Variants in LAMA4 observed in about 807,000 individuals in gnomAD.
The protein encoded by LAMA4 is laminin subunit alpha 4.
Under a neutral mutation model 207.1 loss-of-function variants are expected in LAMA4, and 127 were observed. The observed-to-expected ratio is 0.61, with a 90% CI of 0.53 to 0.71. The LOEUF (loss-of-function observed/expected upper bound fraction) is 0.71, where lower values mean the gene tolerates loss of function less well. Ranked by LOEUF, LAMA4 falls within the 30% of genes least tolerant of loss-of-function variation. LAMA4 has a pLI of 0.00. For synonymous variants in LAMA4, 761 were observed against 816.0 expected, an observed-to-expected ratio of 0.93 and a Z score of 1.15; for missense variants, 2,093 against 2,246.5, an observed-to-expected ratio of 0.93 and a Z score of 1.38.
intron 31 of LAMA4, among the ~76,000 whole-genome samples, chr6:112,126,219 A>C (rs893242417): frequency 1.3e-5 from 2 of 152,184 alleles, no homozygotes; most frequent in African/African-American, 4.8e-5. Flanking sequence ...GTTTATTTAA[A>C]GGGGTAACTG....
Position 112,115,550 on chromosome 6 carries a change from TTTGA to T in LAMA4, c.5112+309_5112+312del, listed in dbSNP as rs143611178. ...GAAAGATGTTTTAGTGTTTGTTGATTTTGATAGTTATGTTTGCTGATTCCATTTG... is the reference window on the plus strand; with the variant it reads ...GAAAGATGTTTTAGTGTTTGTTGATTTAGTTATGTTTGCTGATTCCATTTG... On this transcript the variant is annotated intron_variant, in intron 36 of 38. Transcript: ENST00000230538. 1.6e-3 allele frequency among the ~76,000 whole-genome samples: 240 copies of T among 152,286 alleles called. 5 individuals carry two copies. In the East Asian group the frequency reaches 0.038, roughly 24 times the overall value.
rs70940811 is a variant in LAMA4 at position 112,130,993 on chromosome 6, C to T, written c.3943G>A (p.Val1315Ile). The change falls in exon 29 of 39, where the codon GTC (valine) becomes ATC (isoleucine). Residue 1315 changes from valine (V) to isoleucine (I), a missense_variant. Val to Ile is a conservative substitution (Grantham distance 29, BLOSUM62 3). Coordinates refer to ENST00000230538, the MANE Select transcript of LAMA4 (RefSeq NM_001105206.3). ...CTTGTGGGTGAGACAGAGCTAATGA[C>T]GAAGTGGGACAGCCCATCATTGTAC... ...KQYNDGLSHF[V>I]ISSVSPTRYE... The T allele has an allele frequency of 4.1e-4, 663 of 1,613,042 alleles. 5 individuals carry two copies. In the East Asian group the frequency reaches 0.01, roughly 25 times the overall value.
At chr6:112,132,267 G>C (rs1554329989) in intron 28 of LAMA4, among the ~76,000 whole-genome samples, 5 of 151,962 alleles carry the variant, frequency 3.3e-5, no homozygotes, top group Admixed American at 1.3e-4. Context: ...TTTTATTAAG[G>C]CATTAAAGAA....
intron 12 of LAMA4, among the ~76,000 whole-genome samples, chr6:112,170,360 T>C (rs1274240232): frequency 6.6e-6 from 1 of 152,204 alleles, no homozygotes; most frequent in East Asian, 1.9e-4. Context: ...TTTCAGGGCT[T>C]GCAGTACGGA....
In LAMA4 at chr6:112,134,557, C is replaced by T. The variant is rs782725292; in HGVS notation, c.3467G>A (p.Arg1156Lys). The T allele has an allele frequency of 1.2e-6, 2 of 1,609,738 alleles. No homozygotes were observed. The highest frequency in any genetic ancestry group is 2.7e-5 in the African/African-American group (2 of 74,880). ...TTCATTATCCATGCTCTTGACATGC[C>T]TTCTGTCAACTACCAAGATCATTTT... ...DKKMILVVDR[R>K]HVKSMDNEKM... Residue 1156 changes from arginine (R) to lysine (K), a missense_variant, in exon 26 of 39, where the codon AGG (arginine) becomes AAG (lysine). By Grantham distance (26) the Arg-to-Lys change is conservative (BLOSUM62 2). Transcript: ENST00000230538.
chr6:112,219,559 G>A (rs1393602373), intron 2 of LAMA4: 1 of 152,088 alleles, frequency 6.6e-6, no homozygotes, highest in African/African-American at 2.4e-5. Flanking sequence ...TTTAAAAATT[G>A]ATAGTAATAA....
intron 5 of LAMA4, among the ~76,000 whole-genome samples, chr6:112,199,288 C>T (rs1554351414): frequency 2.0e-5 from 3 of 152,168 alleles, no homozygotes; most frequent in Admixed American, 6.5e-5. Flanking sequence ...TTCACTTCTG[C>T]GAGCTTTGCA....
chr6:112,117,620 T>A lies in LAMA4; in HGVS notation c.4981+119A>T. The A allele has an allele frequency of 1.0e-6, 1 of 966,574 alleles. No homozygotes were observed. The highest frequency in any genetic ancestry group is 1.6e-6 in the Non-Finnish European group (1 of 607,448). The allele number at this position is 966,574 out of a possible 1,614,324, so 59.9% of individuals were successfully genotyped here. On this transcript the variant is annotated intron_variant, in intron 35 of 38. Coordinates refer to ENST00000230538, the MANE Select transcript of LAMA4 (RefSeq NM_001105206.3). This position sits in a 1 kb window ranked among gnomAD's most constrained non-coding sequence, Gnocchi z 4.5. ...GAAAGGTGGTTCTTGTGGGAAGAGGTCATCTTCTAGGGCTGAGTTTGGCAT... is the reference window on the plus strand; with the variant it reads ...GAAAGGTGGTTCTTGTGGGAAGAGGACATCTTCTAGGGCTGAGTTTGGCAT...
intron 28 of LAMA4, among the ~76,000 whole-genome samples, chr6:112,132,132 C>T (rs782563630): frequency 9.9e-5 from 15 of 151,878 alleles, no homozygotes; most frequent in Non-Finnish European, 1.5e-4. Context: ...TAACAGATAG[C>T]GACCGCTTCA....
At chr6:112,198,866 A>G (rs1783571058) in intron 5 of LAMA4, among the ~76,000 whole-genome samples, 1 of 152,120 alleles carries the variant, frequency 6.6e-6, no homozygotes. Flanking sequence ...AAAACTTTGC[A>G]GTATTATCTC....
At chr6:112,174,500 T>C (rs1429703706) in intron 11 of LAMA4, among the ~76,000 whole-genome samples, 1 of 152,240 alleles carries the variant, frequency 6.6e-6, no homozygotes, top group East Asian at 1.9e-4. Flanking sequence ...TGGTTTTTGT[T>C]TTGTTTTGTT....
intron 38 of LAMA4, among the ~76,000 whole-genome samples, chr6:112,110,966 A>G (rs1777655855): frequency 6.6e-6 from 1 of 152,218 alleles, no homozygotes; most frequent in South Asian, 2.1e-4. Flanking sequence ...CTATATACAA[A>G]TAATGCAGGA....
At chr6:112,249,428 C>T (rs1250852891) in intron 2 of LAMA4, among the ~76,000 whole-genome samples, 3 of 91,930 alleles carry the variant, frequency 3.3e-5, no homozygotes, top group African/African-American at 4.5e-5. Context: ...GGCAATAGAG[C>T]AAGACTCTGT....
chr6:112,243,936 T>C (rs1242124451), intron 2 of LAMA4, among the ~76,000 whole-genome samples: 1 of 152,158 alleles, frequency 6.6e-6, no homozygotes, highest in Non-Finnish European at 1.5e-5. Context: ...CGGGTGCCTG[T>C]AATCCCTGCT....
At position 112,196,805 on chromosome 6, in the gene LAMA4, G is replaced by C. The variant is rs188755489; in HGVS notation, c.503+4803C>G. Among the ~76,000 whole-genome samples, 333 of 152,262 alleles carry C rather than the reference G, an allele frequency of 2.2e-3. 1 individual carries two copies. Among genetic ancestry groups the C allele is most frequent in the Non-Finnish European group, 3.4e-3 (231 of 68,022 alleles). On this transcript the variant is annotated intron_variant, in intron 5 of 38. Coordinates refer to ENST00000230538, the MANE Select transcript of LAMA4 (RefSeq NM_001105206.3). Reference sequence around the variant, plus strand: ...CCTTTTTTAAAGGAACATGAAAAGTGCTGTTGCTATTTCTTATTGAGAAAA... The same window carrying C: ...CCTTTTTTAAAGGAACATGAAAAGTCCTGTTGCTATTTCTTATTGAGAAAA...
chr6:112,109,617 A>G (rs782011845), intron 38 of LAMA4, 35 bp from the exon 39 acceptor site: 10 of 1,612,130 alleles, frequency 6.2e-6, no homozygotes, highest in African/African-American at 1.3e-5. Flanking sequence ...AAAGATTGCA[A>G]TTGAGGTATT....
rs574522640 is a variant in LAMA4, at chr6:112,140,963, A to G, written c.2814-41T>C. On this transcript the variant is annotated intron_variant, in intron 21 of 38. Transcript: ENST00000230538. ...ATTTTCACTTGTTATTATATAATTC[A>G]TAGAAAATACTTTTTAAATGTCAAA... 1.6e-5 allele frequency: 25 copies of G among 1,549,336 alleles called. No individual in the cohort carries two copies. The East Asian group carries it at 2.3e-4, about 14-fold the overall frequency.
At chr6:112,136,672 A>G (rs549132091) in intron 24 of LAMA4, among the ~76,000 whole-genome samples, 1 of 148,400 alleles carries the variant, frequency 6.7e-6, no homozygotes, top group Non-Finnish European at 1.5e-5. Flanking sequence ...AGCCTGGGCT[A>G]CAGAACGAGA....
intron 2 of LAMA4, among the ~76,000 whole-genome samples, chr6:112,228,313 A>C (rs1456528299): frequency 6.6e-6 from 1 of 152,218 alleles, no homozygotes; most frequent in South Asian, 2.1e-4. Context: ...TTTTTTATAT[A>C]ATCTCTTCCT....
Sources: gnomAD v4.1 joint callset for allele counts (sites outside exome capture counted in the v4.1 genomes callset) on GRCh38, gnomAD v4.1.1 for gene constraint, Gnocchi (gnomAD v3.1) non-coding constraint, MANE v1.5 for transcripts, NCBI Gene and HGNC (gene_info 2026-07-23, HGNC 2026-07-21) for gene names.